QRSL1: variants seen among roughly 807,000 people sequenced by gnomAD.
QRSL1 encodes the protein glutamyl-tRNA(Gln) amidotransferase subunit A, mitochondrial.
Under a neutral mutation model 61.6 loss-of-function variants are expected in QRSL1, and 54 were observed. That is an observed-to-expected ratio of 0.88 (90% CI 0.70 to 1.10). QRSL1 has a LOEUF of 1.10. Ranked by LOEUF, QRSL1 falls within the 50% of genes least tolerant of loss-of-function variation. QRSL1 has a pLI of 0.00. For synonymous variants in QRSL1, 228 were observed against 225.7 expected, an observed-to-expected ratio of 1.01 and a Z score of -0.09; for missense variants, 505 against 622.6, an observed-to-expected ratio of 0.81 and a Z score of 2.01.
chr6:106,650,721 G>C (rs17506892), intron 5 of QRSL1, among the ~76,000 whole-genome samples: 14,701 of 152,192 alleles, frequency 0.097, 973 homozygotes, highest in African/African-American at 0.18. Flanking sequence ...ACCCATTTCT[G>C]TTAAAAGTAA....
At chr6:106,639,111 G>GTGTTTTTTTTTTTT in intron 1 of QRSL1, among the ~76,000 whole-genome samples, 1 of 60,754 alleles carries the variant, frequency 1.6e-5, no homozygotes, top group African/African-American at 6.7e-5. Context: ...TTATTTGTGT[G>GTGTTTTTTTTTTTT]TTTTGTTGTT....
intron 1 of QRSL1, among the ~76,000 whole-genome samples, chr6:106,636,584 G>A (rs1776924965): frequency 6.6e-6 from 1 of 152,168 alleles, no homozygotes; most frequent in South Asian, 2.1e-4. Context: ...CTCCCAAAGT[G>A]CTGGGATTAC....
chr6:106,654,090 G>A (rs919507552), intron 7 of QRSL1, among the ~76,000 whole-genome samples: 7 of 152,176 alleles, frequency 4.6e-5, no homozygotes, highest in Admixed American at 3.9e-4. Context: ...GGTGGCTCAC[G>A]CCTGTAATCC....
chr6:106,639,116 G>GTTTTT lies in QRSL1; in HGVS notation c.25-1231_25-1230insTTTTT, dbSNP rs1554200732. ...ACTTGTGTGGTTATTTGTGTGTTTTGTTGTTTTTTTTTTTTTTTTTTTTTT... is the reference window on the plus strand; with the variant it reads ...ACTTGTGTGGTTATTTGTGTGTTTTGTTTTTTTGTTTTTTTTTTTTTTTTTTTTTT... On this transcript the variant is annotated intron_variant, in intron 1 of 10. Coordinates refer to ENST00000369046, the MANE Select transcript of QRSL1 (RefSeq NM_018292.5). 3.3e-3 allele frequency among the ~76,000 whole-genome samples: 179 copies of GTTTTT among 54,328 alleles called. 10 individuals carry two copies. Among genetic ancestry groups the GTTTTT allele is most frequent in the East Asian group, 0.012 (30 of 2,506 alleles). The allele number at this position is 54,328 out of a possible 152,430, so 35.6% of individuals were successfully genotyped here. A position where few individuals can be genotyped will look rare whatever the true frequency, so the allele number is the denominator to read the frequency against.
chr6:106,646,041 C>T (rs1777101723), intron 4 of QRSL1, among the ~76,000 whole-genome samples: 1 of 152,152 alleles, frequency 6.6e-6, no homozygotes, highest in African/African-American at 2.4e-5. Context: ...CAGTCTTTCA[C>T]CAAAAGTACT....
At chr6:106,640,775 T>C (rs1451671951) in intron 2 of QRSL1, 48 bp from the exon 3 acceptor site, 2 of 1,479,902 alleles carry the variant, frequency 1.4e-6, no homozygotes, top group Non-Finnish European at 1.9e-6. Flanking sequence ...CATGTATCTT[T>C]ATATTTTAAA....
Position 106,652,486 on chromosome 6 carries a change from C to T in QRSL1, c.753C>T (p.Asp251=), listed in dbSNP as rs776177177. The T allele has an allele frequency of 3.7e-6, 6 of 1,614,182 alleles. No homozygotes were observed. In the East Asian group the frequency reaches 1.1e-4, roughly 30 times the overall value. The stretch of plus-strand genomic sequence containing the variant: ...TTACAGGTGCACTGGCCGGACCTGA[C>T]CCCAGGGACTCTACCACAGTACATG... The part of the protein sequence containing the change: ...AIVLGALAGP[D]PRDSTTVHEP... Residue 251 remains aspartate, a synonymous_variant, in exon 7 of 11, where the codon GAC becomes GAT. Transcript: ENST00000369046.
Position 106,654,920 on chromosome 6 carries a change from A to T in QRSL1, c.1040A>T (p.Tyr347Phe), listed in dbSNP as rs755136358. 4 of 1,567,718 alleles carry T rather than the reference A, an allele frequency of 2.6e-6. No individual in the cohort carries two copies. Among genetic ancestry groups the T allele is most frequent in the Non-Finnish European group, 3.5e-6 (4 of 1,158,560 alleles). ...SNMARFDGLQ[Y>F]GHRCDIDVST... The stretch of plus-strand genomic sequence containing the variant: ...ATGGCAAGATTTGATGGGCTACAAT[A>T]TGGTAAGATGGCTGGGTTATTTTAT... Residue 347 changes from tyrosine (Y) to phenylalanine (F), a missense_variant and splice_region_variant, in exon 8 of 11, where the codon TAT (tyrosine) becomes TTT (phenylalanine). Tyr to Phe is a conservative substitution (Grantham distance 22). Transcript: ENST00000369046.
intron 1 of QRSL1, among the ~76,000 whole-genome samples, chr6:106,634,117 G>T (rs113584391): frequency 6.6e-6 from 1 of 152,162 alleles, no homozygotes; most frequent in African/African-American, 2.4e-5. Context: ...GACCAGAAGG[G>T]CATGAAGGGG....
chr6:106,631,092 G>A (rs987715881), intron 1 of QRSL1, among the ~76,000 whole-genome samples: 2 of 151,778 alleles, frequency 1.3e-5, no homozygotes, highest in African/African-American at 4.8e-5. Context: ...CGGGCGTAGT[G>A]GCGGGCGCCT....
At chr6:106,653,987 A>G (rs1167458977) in intron 7 of QRSL1, among the ~76,000 whole-genome samples, 1 of 152,192 alleles carries the variant, frequency 6.6e-6, no homozygotes, top group Non-Finnish European at 1.5e-5. Flanking sequence ...ATTTTTCATT[A>G]ACAAAATGAA....
In QRSL1 at chr6:106,652,232, G is replaced by A; in HGVS notation, c.581G>A (p.Gly194Glu). Residue 194 changes from glycine (G) to glutamate (E), a missense_variant, in exon 6 of 11, where the codon GGA becomes GAA. Transcript: ENST00000369046. ...CYAALGSDTG[G>E]STRNPAAHCG... ...AGGGCTTTAGGATCAGATACAGGAG[G>A]ATCGACCAGAAATCCTGCTGCCCAC... is the stretch of plus-strand genomic sequence containing the variant. 6.2e-7 allele frequency: 1 copy of A among 1,613,982 alleles called. No homozygotes were observed. The highest frequency in any genetic ancestry group is 2.2e-5 in the East Asian group (1 of 44,874).
rs758301427 is a variant in QRSL1, at chr6:106,652,250, C to G, written c.599C>G (p.Ala200Gly). The G allele has an allele frequency of 1.2e-6, 2 of 1,614,152 alleles. No homozygotes were observed. The highest frequency in any genetic ancestry group is 4.5e-5 in the East Asian group (2 of 44,890). The change falls in exon 6 of 11, where the codon GCT (alanine) becomes GGT (glycine). Residue 200 changes from alanine to glycine, a missense_variant. By Grantham distance (60) the Ala-to-Gly change is moderately conservative. Transcript: ENST00000369046. Reference sequence around the variant, plus strand: ...ACAGGAGGATCGACCAGAAATCCTGCTGCCCACTGTGGGCTTGTTGGTTTC... The same window carrying G: ...ACAGGAGGATCGACCAGAAATCCTGGTGCCCACTGTGGGCTTGTTGGTTTC... ...SDTGGSTRNP[A>G]AHCGLVGFKP...
intron 1 of QRSL1, chr6:106,640,119 A>T (rs1776994082): frequency 2.6e-6 from 1 of 390,292 alleles, no homozygotes; most frequent in Non-Finnish European, 4.6e-6. Flanking sequence ...TGAAACCAAA[A>T]GTTGGCTAAG....
intron 5 of QRSL1, among the ~76,000 whole-genome samples, chr6:106,650,144 G>T (rs565043299): frequency 1.3e-5 from 2 of 152,226 alleles, no homozygotes; most frequent in South Asian, 4.1e-4. Context: ...AGTTAGGACT[G>T]CAGGATTAGG....
intron 7 of QRSL1, among the ~76,000 whole-genome samples, chr6:106,654,478 AC>A: frequency 6.7e-6 from 1 of 150,248 alleles, no homozygotes; most frequent in African/African-American, 2.4e-5. Flanking sequence ...ATTTTCCCCA[AC>A]CAGATCTCCA....
intron 1 of QRSL1, among the ~76,000 whole-genome samples, chr6:106,629,964 G>C (rs1776782619): frequency 6.6e-6 from 1 of 151,260 alleles, no homozygotes; most frequent in Non-Finnish European, 1.5e-5. Context: ...CATTTGCTCT[G>C]GTGTAGGTCG....
At chr6:106,651,679 T>C (rs1777189354) in intron 5 of QRSL1, among the ~76,000 whole-genome samples, 1 of 152,150 alleles carries the variant, frequency 6.6e-6, no homozygotes. Context: ...ATGGGGTGGG[T>C]AGCAAAGGGC....
chr6:106,631,943 C>T (rs138436599), intron 1 of QRSL1, among the ~76,000 whole-genome samples: 67 of 152,286 alleles, frequency 4.4e-4, no homozygotes, highest in African/African-American at 1.5e-3. Flanking sequence ...CATTACCCAT[C>T]CCCACTTCCC....
Sources: allele counts gnomAD v4.1 joint callset (sites outside exome capture counted in the v4.1 genomes callset), GRCh38; gene constraint gnomAD v4.1.1; transcripts MANE v1.5; gene names NCBI Gene and HGNC (gene_info 2026-07-23, HGNC 2026-07-21).